DOK6: variants seen among roughly 807,000 people sequenced by gnomAD.
DOK6 encodes the protein downstream of tyrosine kinase 6.
In DOK6, 22 loss-of-function variants were observed where a neutral mutation model predicts 44.0. The ratio of observed to expected loss-of-function variants is 0.50; its 90% CI spans 0.36 to 0.71. The LOEUF (loss-of-function observed/expected upper bound fraction) is 0.71. DOK6 is among the 30% of genes least tolerant of loss of function. DOK6 has a pLI of 0.00. For synonymous variants in DOK6, 166 were observed against 145.5 expected (o/e 1.14, Z -1.01); for missense variants, 340 against 416.4 (o/e 0.82, Z 1.60).
At chr18:69,576,258 G>T (rs191422723) in intron 2 of DOK6, among the ~76,000 whole-genome samples, 1 of 151,748 alleles carries the variant, frequency 6.6e-6, no homozygotes, top group East Asian at 1.9e-4. Flanking sequence ...ATGGCTTAGA[G>T]AAATAGACTA....
At chr18:69,565,032 C>A (rs1291702398) in intron 2 of DOK6, among the ~76,000 whole-genome samples, 1 of 152,086 alleles carries the variant, frequency 6.6e-6, no homozygotes, top group South Asian at 2.1e-4. Context: ...AGAAAATGAT[C>A]ATCGAATATG....
At chr18:69,665,125 G>C (rs1985623090) in intron 3 of DOK6, among the ~76,000 whole-genome samples, 1 of 152,004 alleles carries the variant, frequency 6.6e-6, no homozygotes, top group Admixed American at 6.5e-5. Flanking sequence ...AGGTTGCAGT[G>C]AGCCGAGATT....
intron 7 of DOK6, among the ~76,000 whole-genome samples, chr18:69,784,597 G>A (rs938597957): frequency 3.3e-5 from 5 of 151,814 alleles, no homozygotes; most frequent in African/African-American, 7.3e-5. Flanking sequence ...ATGGCTATCC[G>A]TCATCACTTT....
chr18:69,662,198 T>A (rs1404952824), intron 3 of DOK6: 1 of 152,260 alleles, frequency 6.6e-6, no homozygotes, highest in Non-Finnish European at 1.5e-5. Context: ...CAGGCTGGTC[T>A]CAAACTCCTA....
intron 1 of DOK6, among the ~76,000 whole-genome samples, chr18:69,495,290 G>A (rs1365748349): frequency 6.6e-6 from 1 of 152,218 alleles, no homozygotes; most frequent in Non-Finnish European, 1.5e-5. Flanking sequence ...TCAATGTGGC[G>A]AGCAAGGGGC....
intron 4 of DOK6, among the ~76,000 whole-genome samples, chr18:69,690,205 T>C (rs1986235294): frequency 6.6e-6 from 1 of 152,158 alleles, no homozygotes; most frequent in Non-Finnish European, 1.5e-5. Context: ...TTTTTTTAAG[T>C]ACTGCTGATT....
chr18:69,744,286 G>A (rs1568113219), intron 6 of DOK6, among the ~76,000 whole-genome samples: 1 of 148,008 alleles, frequency 6.8e-6, no homozygotes, highest in Non-Finnish European at 1.5e-5. Context: ...TTCCAGCCTG[G>A]GCAACAGAGC....
chr18:69,601,565 G>A (rs578159872), intron 3 of DOK6, among the ~76,000 whole-genome samples: 87 of 152,248 alleles, frequency 5.7e-4, no homozygotes, highest in Middle Eastern at 3.4e-3. Flanking sequence ...ACAGAGCAGC[G>A]CCCAACTCCC....
chr18:69,827,849 T>G (rs1242768419), intron 7 of DOK6, among the ~76,000 whole-genome samples: 1 of 152,018 alleles, frequency 6.6e-6, no homozygotes, highest in African/African-American at 2.4e-5. Flanking sequence ...CTCATTCTCA[T>G]GAAAATGTGT....
intron 1 of DOK6, among the ~76,000 whole-genome samples, chr18:69,560,443 AT>A (rs1982800853): frequency 6.6e-6 from 1 of 152,112 alleles, no homozygotes; most frequent in African/African-American, 2.4e-5. Flanking sequence ...GTGAATGTCA[AT>A]ATAAATAGTT....
At chr18:69,660,429 G>A (rs1452208249) in intron 3 of DOK6, 1 of 152,084 alleles carries the variant, frequency 6.6e-6, no homozygotes, top group East Asian at 1.9e-4. Flanking sequence ...TTCTCTCATT[G>A]TTTCTTTTAT....
intron 7 of DOK6, 32 bp from the exon 8 acceptor site, chr18:69,841,212 T>C (rs778585202): frequency 1.2e-6 from 2 of 1,613,574 alleles, no homozygotes; most frequent in Non-Finnish European, 1.7e-6. Flanking sequence ...TGAATCTGTT[T>C]CTCAGTAGAG....
chr18:69,485,941 C>A (rs1474331520), intron 1 of DOK6, among the ~76,000 whole-genome samples: 2 of 150,358 alleles, frequency 1.3e-5, no homozygotes, highest in Admixed American at 6.6e-5. Flanking sequence ...TAAAACTAAG[C>A]TTTTTTATTA....
intron 3 of DOK6, chr18:69,647,606 G>C (rs1487234618): frequency 6.6e-6 from 1 of 152,168 alleles, no homozygotes; most frequent in Non-Finnish European, 1.5e-5. Context: ...GTGATGTACT[G>C]TGCCCTTGTT....
chr18:69,456,239 T>A (rs565794558), intron 1 of DOK6, among the ~76,000 whole-genome samples: 28 of 152,260 alleles, frequency 1.8e-4, no homozygotes, highest in African/African-American at 6.0e-4. Context: ...TGGGCAGGTT[T>A]GTTACATGAG....
At chr18:69,497,249 A>G (rs561680047) in intron 1 of DOK6, among the ~76,000 whole-genome samples, 7 of 152,340 alleles carry the variant, frequency 4.6e-5, no homozygotes, top group Middle Eastern at 3.4e-3. Context: ...ACATTTCTTA[A>G]ACTTGAGCAA....
At chr18:69,745,675 C>A (rs916460871) in intron 6 of DOK6, among the ~76,000 whole-genome samples, 1 of 152,122 alleles carries the variant, frequency 6.6e-6, no homozygotes, top group African/African-American at 2.4e-5. Context: ...AGCTATGTGA[C>A]CTTGGGCAAG....
chr18:69,495,216 A>G (rs971469812), intron 1 of DOK6, among the ~76,000 whole-genome samples: 1 of 152,222 alleles, frequency 6.6e-6, no homozygotes, highest in Non-Finnish European at 1.5e-5. Flanking sequence ...AGAGGGAGTC[A>G]CAGTCTTGGC....
At chr18:69,837,237 T>C (rs1260905767) in intron 7 of DOK6, among the ~76,000 whole-genome samples, 1 of 152,132 alleles carries the variant, frequency 6.6e-6, no homozygotes, top group African/African-American at 2.4e-5. Context: ...AAGTCCAATA[T>C]TGAGGGGCCC....
Sources: allele counts gnomAD v4.1 joint callset (sites outside exome capture counted in the v4.1 genomes callset), GRCh38; gene constraint gnomAD v4.1.1; transcripts MANE v1.5; gene names NCBI Gene and HGNC (gene_info 2026-07-23, HGNC 2026-07-21).